ZFR: variants seen among roughly 807,000 people sequenced by gnomAD.
The protein encoded by ZFR is zinc finger RNA-binding protein.
Under a neutral mutation model 130.7 loss-of-function variants are expected in ZFR, and 19 were observed. The ratio of observed to expected loss-of-function variants is 0.15; its 90% CI spans 0.10 to 0.21. ZFR has a LOEUF of 0.21. Ranked by LOEUF, ZFR falls within the 10% of genes least tolerant of loss-of-function variation. The pLI, the probability that ZFR is intolerant of heterozygous loss-of-function variation, is 1.00. For synonymous variants in ZFR, 466 were observed against 456.9 expected (o/e 1.02, Z -0.25); for missense variants, 872 against 1,321.5 (o/e 0.66, Z 5.27).
chr5:32,368,757 T>C (rs1752600312), intron 17 of ZFR, among the ~76,000 whole-genome samples: 1 of 152,234 alleles, frequency 6.6e-6, no homozygotes, highest in Non-Finnish European at 1.5e-5. Flanking sequence ...TTATCCTCGC[T>C]AAGTGATGCT....
At chr5:32,361,855 C>T (rs886317428) in intron 19 of ZFR, among the ~76,000 whole-genome samples, 1 of 152,006 alleles carries the variant, frequency 6.6e-6, no homozygotes, top group Non-Finnish European at 1.5e-5. Context: ...CTCAGGTGGC[C>T]CGCCCGCCTT....
chr5:32,416,917 T>TTC (rs1374965427), intron 4 of ZFR, among the ~76,000 whole-genome samples: 5 of 151,164 alleles, frequency 3.3e-5, no homozygotes, highest in African/African-American at 9.7e-5. Flanking sequence ...TTTTTTTCTT[T>TTC]TTTTTTTTAT....
chr5:32,362,346 A>T (rs112405884), intron 19 of ZFR, among the ~76,000 whole-genome samples: 2,853 of 152,274 alleles, frequency 0.019, 83 homozygotes, highest in African/African-American at 0.066. Flanking sequence ...GAAAAGACAT[A>T]TAGTGGCATA....
intron 2 of ZFR, among the ~76,000 whole-genome samples, chr5:32,425,419 T>C (rs1321412889): frequency 1.1e-4 from 2 of 18,754 alleles, no homozygotes; most frequent in Non-Finnish European, 1.0e-4. Context: ...TTTAGAATAT[T>C]CTTAATTTAA....
chr5:32,401,346 G>A (rs1426581048), intron 8 of ZFR, among the ~76,000 whole-genome samples: 3 of 152,216 alleles, frequency 2.0e-5, no homozygotes, highest in Non-Finnish European at 4.4e-5. Flanking sequence ...ACTATAAGAA[G>A]TATGGACTGA....
chr5:32,436,373 G>A (rs1197562692), intron 2 of ZFR, among the ~76,000 whole-genome samples: 2 of 151,462 alleles, frequency 1.3e-5, no homozygotes, highest in South Asian at 2.1e-4. Context: ...GGATGGTCTC[G>A]ATCTCCTGAC....
chr5:32,364,415 T>C, intron 17 of ZFR, 140 bp from the exon 18 acceptor site: 1 of 535,224 alleles, frequency 1.9e-6, no homozygotes, highest in Non-Finnish European at 3.3e-6. Flanking sequence ...AAATAAATAT[T>C]ACATATAATA....
chr5:32,420,114 G>A lies in ZFR; in HGVS notation c.138-11C>T, dbSNP rs1190342120. 1 of 1,542,698 alleles carries A rather than the reference G, an allele frequency of 6.5e-7. No homozygotes were observed. Among genetic ancestry groups the A allele is most frequent in the South Asian group, 1.2e-5 (1 of 82,920 alleles). On this transcript the variant is annotated splice_polypyrimidine_tract_variant and intron_variant, in intron 2 of 19. Transcript: ENST00000265069. ...GAAGCTGGCTGCTGGCTACATTGTG[G>A]AGTACAAGAATAAATATAATACAAT...
At position 32,436,566 on chromosome 5, in the gene ZFR, T is replaced by C. The variant is rs931327866; in HGVS notation, c.137+7663A>G. Among the ~76,000 whole-genome samples, 5 of 152,356 alleles carry C rather than the reference T, an allele frequency of 3.3e-5. No individual in the cohort carries two copies. In the East Asian group the frequency reaches 9.6e-4, roughly 29 times the overall value. On this transcript the variant is annotated intron_variant, in intron 2 of 19. Coordinates refer to ENST00000265069, the MANE Select transcript of ZFR (RefSeq NM_016107.5). ...TCATCCATATTCACCAGCCACCTAC[T>C]GAATAATGGCTAACATTGATAGAGA...
chr5:32,379,154 G>A lies in ZFR; in HGVS notation c.2796C>T (p.Leu932=), dbSNP rs772605934. ...CAGACCAAGTTGGAACTCGCTGACA[G>A]AGGTCTCGAAGAATGCGTATGATAA... ...CVIIIRILRD[L]CQRVPTWSDF... Residue 932 remains leucine, a synonymous_variant, in exon 17 of 20, where the codon CTC becomes CTT. Coordinates refer to ENST00000265069, the MANE Select transcript of ZFR (RefSeq NM_016107.5). 3 of 1,613,952 alleles carry A rather than the reference G, an allele frequency of 1.9e-6. No homozygotes were observed. Among genetic ancestry groups the A allele is most frequent in the Non-Finnish European group, 2.5e-6 (3 of 1,179,968 alleles).
At chr5:32,378,721 T>C (rs536132231) in intron 17 of ZFR, among the ~76,000 whole-genome samples, 26 of 152,252 alleles carry the variant, frequency 1.7e-4, no homozygotes, top group African/African-American at 6.0e-4. Flanking sequence ...TTTTGAATAA[T>C]ATGTATTTCT....
chr5:32,426,413 C>A (rs533953950), intron 2 of ZFR, among the ~76,000 whole-genome samples: 1 of 151,464 alleles, frequency 6.6e-6, no homozygotes, highest in East Asian at 1.9e-4. Context: ...AAAACCTCAA[C>A]CAACTAGGAA....
intron 9 of ZFR, among the ~76,000 whole-genome samples, chr5:32,397,977 C>T (rs377407537): frequency 6.7e-6 from 1 of 149,644 alleles, no homozygotes; most frequent in East Asian, 2.0e-4. Context: ...CCTGCCTCAG[C>T]CTTCCGAGTA....
intron 11 of ZFR, among the ~76,000 whole-genome samples, chr5:32,394,675 A>G (rs1055490745): frequency 1.1e-4 from 16 of 152,228 alleles, no homozygotes; most frequent in Admixed American, 6.5e-4. Flanking sequence ...CTGTCACTGT[A>G]TAAGTTTAGA....
At chr5:32,387,881 A>AAT (rs1753074996) in intron 13 of ZFR, among the ~76,000 whole-genome samples, 182 bp from the exon 14 acceptor site, 1 of 151,880 alleles carries the variant, frequency 6.6e-6, no homozygotes, top group Non-Finnish European at 1.5e-5. Flanking sequence ...TAAAAAAAAA[A>AAT]AATAATAAAG....
At chr5:32,395,400 G>A in intron 10 of ZFR, 96 bp from the exon 11 acceptor site, 3 of 995,872 alleles carry the variant, frequency 3.0e-6, no homozygotes, top group Admixed American at 3.9e-5. Flanking sequence ...TAATCACGGA[G>A]GCTTTTAGTT....
At position 32,406,942 on chromosome 5, in the gene ZFR, C is replaced by T. The variant is rs1753591607; in HGVS notation, c.864G>A (p.Lys288=). The T allele has an allele frequency of 6.3e-7, 1 of 1,599,424 alleles. No homozygotes were observed. Among genetic ancestry groups the T allele is most frequent in the Non-Finnish European group, 8.5e-7 (1 of 1,176,514 alleles). The change falls in exon 6 of 20, where the codon AAG becomes AAA. Residue 288 remains lysine, a synonymous_variant. Coordinates refer to ENST00000265069, the MANE Select transcript of ZFR (RefSeq NM_016107.5). The stretch of plus-strand genomic sequence containing the variant: ...CAGCAGCAGCTGCTGCTGCTGCCTG[C>T]TTCTGTTGCTGCTGCTGCTGTTGAT... ...SYYQQQQQQQ[K]QAAAAAAAAA...
At chr5:32,358,865 T>C (rs1348829481) in intron 19 of ZFR, among the ~76,000 whole-genome samples, 2 of 152,166 alleles carry the variant, frequency 1.3e-5, no homozygotes, top group African/African-American at 4.8e-5. Flanking sequence ...CACTGAATCA[T>C]ATCATCTTAT....
At chr5:32,391,146 T>C (rs1321114580) in intron 11 of ZFR, among the ~76,000 whole-genome samples, 6 of 152,250 alleles carry the variant, frequency 3.9e-5, no homozygotes, top group Non-Finnish European at 5.9e-5. Context: ...GATGAAATCT[T>C]GCGCTGTCCA....
Sources: allele counts gnomAD v4.1 joint callset (sites outside exome capture counted in the v4.1 genomes callset), GRCh38; gene constraint gnomAD v4.1.1; transcripts MANE v1.5; gene names NCBI Gene and HGNC (gene_info 2026-07-23, HGNC 2026-07-21).